Variants in COL4A6 observed in about 807,000 individuals in gnomAD.
The protein encoded by COL4A6 is collagen type IV alpha 6 chain.
A neutral mutation model predicts 126.7 loss-of-function variants in COL4A6; 59 were observed. That is an observed-to-expected ratio of 0.47 (90% CI 0.38 to 0.58). COL4A6 has a LOEUF of 0.58. Among genes scored for constraint, COL4A6 ranks in the 20% least tolerant of loss-of-function variants. COL4A6 has a pLI of 0.00. For synonymous variants in COL4A6, 547 were observed against 496.6 expected (o/e 1.10, Z -1.35); for missense variants, 1,285 against 1,337.3 (o/e 0.96, Z 0.61).
intron 31 of COL4A6, among the ~76,000 whole-genome samples, chrX:108,173,246 G>A (rs144581430): frequency 1.8e-5 from 2 of 111,727 alleles, no homozygotes; most frequent in Admixed American, 1.9e-4. Context: ...TACTGGGCTG[G>A]GTCACTGTGT....
Position 108,310,773 on chromosome X carries a change from T to C in COL4A6, c.119A>G (p.Gln40Arg). The change falls in exon 3 of 45, where the codon CAG (glutamine) becomes CGG (arginine). Residue 40 changes from glutamine (Q) to arginine (R), a missense_variant. By Grantham distance (43) the Gln-to-Arg change is conservative (BLOSUM62 1). Transcript: ENST00000334504. ...CGGQDCSGSCQCFPEKGARGR... is the reference protein window; with the variant it reads ...CGGQDCSGSCRCFPEKGARGR... ...TCTCGCTCCTTTCTCAGGAAAACACTGACAGCTCCCACTGCAGTCCTGGCC... is the reference window on the plus strand; with the variant it reads ...TCTCGCTCCTTTCTCAGGAAAACACCGACAGCTCCCACTGCAGTCCTGGCC... The C allele has an allele frequency of 1.7e-6, 2 of 1,210,959 alleles. No individual in the cohort carries two copies. The highest frequency in any genetic ancestry group is 2.2e-6 in the Non-Finnish European group (2 of 894,859).
At chrX:108,169,869 G>A (rs764792738) in intron 36 of COL4A6, 76 bp downstream of exon 36, 41 of 990,646 alleles carry the variant, frequency 4.1e-5, no homozygotes, top group Admixed American at 2.4e-4. Context: ...CACCACAGTC[G>A]AGAATTCATG....
intron 2 of COL4A6, among the ~76,000 whole-genome samples, chrX:108,401,547 T>C (rs1385273789): frequency 2.7e-5 from 3 of 110,880 alleles, no homozygotes; most frequent in East Asian, 5.6e-4. Flanking sequence ...ATAAAATCTA[T>C]TGGAAGGATA....
At chrX:108,170,550 T>C (rs1213564239) in intron 35 of COL4A6, 59 bp downstream of exon 35, 2 of 917,581 alleles carry the variant, frequency 2.2e-6, no homozygotes, top group African/African-American at 3.9e-5. Context: ...GATAAAGTAG[T>C]TGGTGTCCTT....
chrX:108,213,386 C>T (rs2035766633), intron 6 of COL4A6, among the ~76,000 whole-genome samples: 1 of 111,654 alleles, frequency 9.0e-6, no homozygotes, highest in African/African-American at 3.3e-5. Context: ...ACTAGAGATC[C>T]CTTAGATCAA....
At position 108,178,854 on chromosome X, in the gene COL4A6, A is replaced by G. The variant is rs2034585582; in HGVS notation, c.2354-9T>C. Reference sequence around the variant, plus strand: ...AGGCTTCCCGTGCACACCTGATAAAAGAAAAGGGCAAATGATCACAGCCTG... The same window carrying G: ...AGGCTTCCCGTGCACACCTGATAAAGGAAAAGGGCAAATGATCACAGCCTG... On this transcript the variant is annotated splice_polypyrimidine_tract_variant and intron_variant, in intron 26 of 44. Coordinates refer to ENST00000334504, the MANE Select transcript of COL4A6 (RefSeq NM_033641.4). 1 of 1,200,910 alleles carries G rather than the reference A, an allele frequency of 8.3e-7. No homozygotes were observed. Among genetic ancestry groups the G allele is most frequent in the Admixed American group, 2.2e-5 (1 of 44,858 alleles).
chrX:108,260,585 G>A (rs750041683), intron 3 of COL4A6, among the ~76,000 whole-genome samples: 1 of 111,081 alleles, frequency 9.0e-6, no homozygotes, highest in Non-Finnish European at 1.9e-5. Flanking sequence ...TGTGAGATGT[G>A]CCTTTTTCCT....
chrX:108,422,541 C>A (rs1272141027), intron 2 of COL4A6, among the ~76,000 whole-genome samples: 2 of 111,378 alleles, frequency 1.8e-5, no homozygotes, highest in African/African-American at 6.5e-5. Context: ...AGGGCACAAC[C>A]AAACTTCCAG....
At chrX:108,276,970 C>A (rs1440095343) in intron 3 of COL4A6, among the ~76,000 whole-genome samples, 1 of 112,538 alleles carries the variant, frequency 8.9e-6, no homozygotes, top group Non-Finnish European at 1.9e-5. Flanking sequence ...TTTGTCCAAA[C>A]AAAATCTTAG....
At chrX:108,279,059 C>A (rs1278323527) in intron 3 of COL4A6, among the ~76,000 whole-genome samples, 1 of 111,761 alleles carries the variant, frequency 8.9e-6, no homozygotes, top group African/African-American at 3.3e-5. Flanking sequence ...TAAAGACCAT[C>A]GAGGCTAGGA....
intron 2 of COL4A6, among the ~76,000 whole-genome samples, chrX:108,395,251 G>A (rs902624659): frequency 1.7e-4 from 19 of 111,837 alleles, no homozygotes; most frequent in East Asian, 1.7e-3. Flanking sequence ...GTGTTACTGT[G>A]TGATCTTCCA....
chrX:108,247,830 A>T (rs1321091644), intron 3 of COL4A6, among the ~76,000 whole-genome samples: 1 of 111,873 alleles, frequency 8.9e-6, no homozygotes, highest in Non-Finnish European at 1.9e-5. Flanking sequence ...AAGAGTATGT[A>T]CCACTAAGCT....
intron 2 of COL4A6, among the ~76,000 whole-genome samples, chrX:108,331,744 G>A (rs2039306904): frequency 9.0e-6 from 1 of 111,432 alleles, no homozygotes; most frequent in South Asian, 3.8e-4. Context: ...AGACAGAATT[G>A]CTACTTTGTC....
intron 2 of COL4A6, among the ~76,000 whole-genome samples, chrX:108,331,570 G>A (rs566782990): frequency 5.3e-4 from 59 of 111,832 alleles, no homozygotes; most frequent in East Asian, 1.4e-3. Context: ...TATGCCATCC[G>A]TCCTTGACCA....
chrX:108,438,066 A>T, intron 1 of COL4A6, 73 bp from the exon 2 acceptor site: 1 of 1,195,747 alleles, frequency 8.4e-7, no homozygotes, highest in South Asian at 1.8e-5. Flanking sequence ...CGCCCCCCGA[A>T]CCCTTTTGGA....
At chrX:108,206,322 T>C (rs2035542272) in intron 9 of COL4A6, 196 bp downstream of exon 9, 1 of 544,596 alleles carries the variant, frequency 1.8e-6, no homozygotes, top group Admixed American at 2.3e-5. Context: ...ACAGATTGGA[T>C]GGTCAGATAG....
chrX:108,236,839 AT>A (rs2036439786), intron 3 of COL4A6, among the ~76,000 whole-genome samples: 1 of 111,337 alleles, frequency 9.0e-6, no homozygotes, highest in Admixed American at 9.5e-5. Flanking sequence ...CCTCTGCAGC[AT>A]TTGTCATCAC....
intron 2 of COL4A6, among the ~76,000 whole-genome samples, chrX:108,396,316 C>T (rs1186763401): frequency 9.0e-6 from 1 of 110,884 alleles, no homozygotes; most frequent in Non-Finnish European, 1.9e-5. Flanking sequence ...CACTCCTCCT[C>T]CTACTCTTTC....
intron 3 of COL4A6, among the ~76,000 whole-genome samples, chrX:108,239,433 C>G (rs956292401): frequency 8.9e-6 from 1 of 111,797 alleles, no homozygotes; most frequent in Non-Finnish European, 1.9e-5. Flanking sequence ...TTCAGGTAAT[C>G]GAACCAAGAG....
Sources: gnomAD v4.1 joint callset for allele counts (sites outside exome capture counted in the v4.1 genomes callset) on GRCh38, gnomAD v4.1.1 for gene constraint, MANE v1.5 for transcripts, NCBI Gene and HGNC (gene_info 2026-07-23, HGNC 2026-07-21) for gene names.